Variants in PHACTR2 observed in about 807,000 individuals in gnomAD.
PHACTR2 encodes phosphatase and actin regulator 2.
PHACTR2 carries 30 observed loss-of-function variants against 76.0 expected under a neutral mutation model. The ratio of observed to expected loss-of-function variants is 0.39; its 90% CI spans 0.30 to 0.54. PHACTR2 has a LOEUF of 0.54. Ranked by LOEUF, PHACTR2 falls within the 20% of genes least tolerant of loss-of-function variation. The pLI is 0.61. For synonymous variants in PHACTR2, 292 were observed against 292.5 expected, an observed-to-expected ratio of 1.00 and a Z score of 0.02; for missense variants, 696 against 781.1, an observed-to-expected ratio of 0.89 and a Z score of 1.30.
intron 9 of PHACTR2, among the ~76,000 whole-genome samples, chr6:143,779,809 T>C (rs1018996695): frequency 6.6e-6 from 1 of 151,670 alleles, no homozygotes; most frequent in African/African-American, 2.4e-5. Context: ...TTTCTTAGTG[T>C]CAATTCACCA....
Position 143,623,780 on chromosome 6 carries a change from CTT to C in PHACTR2, c.13+15461_13+15462del, listed in dbSNP as rs1776203034. Among the ~76,000 whole-genome samples, 6 of 152,268 alleles carry C rather than the reference CTT, an allele frequency of 3.9e-5. No homozygotes were observed. In the South Asian group the frequency reaches 1.2e-3, roughly 32 times the overall value. On this transcript the variant is annotated intron_variant, in intron 1 of 11. Coordinates refer to the PHACTR2 transcript ENST00000305766. This position sits in a 1 kb window ranked among gnomAD's most constrained non-coding sequence, Gnocchi z 5.9. ...GGGAATTTTTATATTTTACTCTAGA[CTT>C]TTCTATTTTTGGTTTTGTTTGTACA...
Position 143,712,535 on chromosome 6 carries a change from T to TTATA in PHACTR2, c.214+356_214+359dup, listed in dbSNP as rs147582029. Among the ~76,000 whole-genome samples, 869 of 150,800 alleles carry TTATA rather than the reference T, an allele frequency of 5.8e-3. 5 individuals carry two copies. Among genetic ancestry groups the TTATA allele is most frequent in the Non-Finnish European group, 7.3e-3 (495 of 67,620 alleles). On this transcript the variant is annotated intron_variant, in intron 2 of 12. Transcript: ENST00000440869. The stretch of plus-strand genomic sequence containing the variant: ...TATCCATTTTTATATACACATGATG[T>TTATA]TATATATTTAGTTAGACTATACTAT...
At chr6:143,707,876 G>A (rs1359764416) in intron 1 of PHACTR2, among the ~76,000 whole-genome samples, 1 of 152,154 alleles carries the variant, frequency 6.6e-6, no homozygotes, top group Non-Finnish European at 1.5e-5. Flanking sequence ...CGTGAGTGAA[G>A]GGGAAGCAAG....
chr6:143,726,388 T>C (rs896322583), intron 2 of PHACTR2, among the ~76,000 whole-genome samples: 5 of 152,210 alleles, frequency 3.3e-5, no homozygotes, highest in African/African-American at 9.6e-5. Flanking sequence ...TCCGGAACTT[T>C]TTCATCCTGC....
chr6:143,705,218 A>C (rs1778020815), intron 1 of PHACTR2, among the ~76,000 whole-genome samples: 1 of 150,890 alleles, frequency 6.6e-6, no homozygotes, highest in South Asian at 2.1e-4. Context: ...TGCTGAGTTC[A>C]AGTGATTCTC....
chr6:143,720,518 G>A (rs567939027), intron 2 of PHACTR2, among the ~76,000 whole-genome samples: 42 of 152,254 alleles, frequency 2.8e-4, no homozygotes, highest in African/African-American at 1.0e-3. Flanking sequence ...TTTCAGTAAT[G>A]GTGTGGACAC....
intron 1 of PHACTR2, among the ~76,000 whole-genome samples, chr6:143,643,536 C>T (rs1047716131): frequency 2.6e-5 from 4 of 152,120 alleles, no homozygotes; most frequent in Non-Finnish European, 5.9e-5. Flanking sequence ...ATTGTTTCAT[C>T]TATATATAAG....
intron 2 of PHACTR2, among the ~76,000 whole-genome samples, chr6:143,719,110 T>G (rs1033923589): frequency 6.6e-6 from 1 of 151,556 alleles, no homozygotes; most frequent in Non-Finnish European, 1.5e-5. Context: ...CTTGAACTCC[T>G]GACCTCAGGT....
rs1451076376 is a variant in PHACTR2 at position 143,829,381 on chromosome 6, A to T, written c.*5692A>T. On this transcript the variant is annotated 3_prime_UTR_variant, in exon 13 of 13. Transcript: ENST00000440869. ...TTCACCTGGTTATGCTGCATCCCAT[A>T]AGTTCCAAATGAATCACCTGCTTAT... The T allele has an allele frequency of 6.6e-6, 1 of 152,110 alleles. No homozygotes were observed. Among genetic ancestry groups the T allele is most frequent in the Non-Finnish European group, 1.5e-5 (1 of 68,014 alleles). The allele number at this position is 152,110 out of a possible 1,614,324, so 9.4% of individuals were successfully genotyped here.
intron 1 of PHACTR2, among the ~76,000 whole-genome samples, chr6:143,645,975 C>G (rs1191263897): frequency 2.6e-5 from 4 of 151,782 alleles, no homozygotes; most frequent in African/African-American, 9.7e-5. Context: ...GATTGATTAC[C>G]TCAAAATATA....
chr6:143,644,634 A>T (rs1282753545), intron 1 of PHACTR2, among the ~76,000 whole-genome samples: 1 of 151,950 alleles, frequency 6.6e-6, no homozygotes, highest in Non-Finnish European at 1.5e-5. Context: ...TATCAGCTTT[A>T]AAGTCAGGAT....
In PHACTR2 at chr6:143,571,785, GT is replaced by G. The variant is rs534063569; in HGVS notation, c.217+34582del. Among the ~76,000 whole-genome samples, 6 of 152,090 alleles carry G rather than the reference GT, an allele frequency of 3.9e-5. No individual in the cohort carries two copies. The East Asian group carries it at 9.7e-4, about 24-fold the overall frequency. ...ACAAGACGTTCCAGACTCATCTTGT[GT>G]TTTCTCTGTCCCTGCTTTAGAATCA... On this transcript the variant is annotated intron_variant, in intron 1 of 11. Coordinates refer to the PHACTR2 transcript ENST00000367584. This position sits in a 1 kb window ranked among gnomAD's most constrained non-coding sequence, Gnocchi z 4.6.
At chr6:143,726,776 T>C (rs1778582723) in intron 2 of PHACTR2, among the ~76,000 whole-genome samples, 1 of 152,208 alleles carries the variant, frequency 6.6e-6, no homozygotes, top group Non-Finnish European at 1.5e-5. Flanking sequence ...TTTGTCATGG[T>C]TTTAATTTCC....
rs1258161341 is a variant in PHACTR2, at chr6:143,537,470, G to A, written c.217+263G>A. On this transcript the variant is annotated intron_variant, in intron 1 of 11. Transcript: ENST00000367584. The surrounding 1 kb of genome is among the most constrained non-coding windows in gnomAD (Gnocchi z 4.4). ...GCGGGGCGAGTGTGCAGCCTGGGTT[G>A]GGGTAGGGAGCGCTCCCTCTCGGCT... is the stretch of plus-strand genomic sequence containing the variant. Among the ~76,000 whole-genome samples, 1 of 152,148 alleles carries A rather than the reference G, an allele frequency of 6.6e-6. No individual in the cohort carries two copies. The highest frequency in any genetic ancestry group is 2.4e-5 in the African/African-American group (1 of 41,444).
At chr6:143,712,857 A>G (rs1166403668) in intron 2 of PHACTR2, among the ~76,000 whole-genome samples, 1 of 152,200 alleles carries the variant, frequency 6.6e-6, no homozygotes, top group African/African-American at 2.4e-5. Context: ...AGATTTGTGA[A>G]ACCTTAAAAG....
Position 143,571,935 on chromosome 6 carries a change from ATTC to A in PHACTR2, c.217+34733_217+34735del, listed in dbSNP as rs1442494342. Among the ~76,000 whole-genome samples the A allele has an allele frequency of 6.6e-6, 1 of 152,238 alleles. No individual in the cohort carries two copies. Among genetic ancestry groups the A allele is most frequent in the Non-Finnish European group, 1.5e-5 (1 of 68,042 alleles). Reference sequence around the variant, plus strand: ...GATCTCTATGTAGGAGATATTAGATATTCTTCTACCATCTACAGAACTGATTTC... The same window carrying A: ...GATCTCTATGTAGGAGATATTAGATATTCTACCATCTACAGAACTGATTTC... On this transcript the variant is annotated intron_variant, in intron 1 of 11. Transcript: ENST00000367584. The surrounding 1 kb of genome is among the most constrained non-coding windows in gnomAD (Gnocchi z 4.6).
rs1775503258 is a variant in PHACTR2, at chr6:143,784,399, A to T, written c.1707+1119A>T. On this transcript the variant is annotated intron_variant, in intron 10 of 12. Coordinates refer to ENST00000440869, the MANE Select transcript of PHACTR2 (RefSeq NM_001100164.2). The surrounding 1 kb of genome is among the most constrained non-coding windows in gnomAD (Gnocchi z 4.5). Reference sequence around the variant, plus strand: ...ACCATCAGAGTTTATATTTCATTATAAATCCTTCTAATCATTCTTCAGGCA... The same window carrying T: ...ACCATCAGAGTTTATATTTCATTATTAATCCTTCTAATCATTCTTCAGGCA... 6.6e-6 allele frequency among the ~76,000 whole-genome samples: 1 copy of T among 152,244 alleles called. No individual in the cohort carries two copies. The highest frequency in any genetic ancestry group is 2.1e-4 in the South Asian group (1 of 4,830).
rs1009328519 is a variant in PHACTR2 at position 143,541,580 on chromosome 6, G to A, written c.217+4373G>A. 6.6e-6 allele frequency among the ~76,000 whole-genome samples: 1 copy of A among 152,150 alleles called. No homozygotes were observed. The highest frequency in any genetic ancestry group is 2.1e-4 in the South Asian group (1 of 4,832). ...TACAATCTCATCTTTTTATTACTGT[G>A]ATTCATCTCTTCAGTATCCCTATGC... is the stretch of plus-strand genomic sequence containing the variant. On this transcript the variant is annotated intron_variant, in intron 1 of 11. Coordinates refer to the PHACTR2 transcript ENST00000367584. The surrounding 1 kb of genome is among the most constrained non-coding windows in gnomAD (Gnocchi z 5.3).
chr6:143,734,989 G>T (rs1212106574), intron 2 of PHACTR2, among the ~76,000 whole-genome samples: 2 of 152,008 alleles, frequency 1.3e-5, no homozygotes, highest in Non-Finnish European at 2.9e-5. Flanking sequence ...TATGAATCTG[G>T]TCCTTATCAC....
Sources: gnomAD v4.1 joint callset for allele counts (sites outside exome capture counted in the v4.1 genomes callset) on GRCh38, gnomAD v4.1.1 for gene constraint, Gnocchi (gnomAD v3.1) non-coding constraint, MANE v1.5 for transcripts, NCBI Gene and HGNC (gene_info 2026-07-23, HGNC 2026-07-21) for gene names.